The following C1QBP variants were observed in gnomAD, a reference collection of about 807,000 sequenced individuals.
C1QBP encodes complement component 1 Q subcomponent-binding protein, mitochondrial.
Under a neutral mutation model 29.4 loss-of-function variants are expected in C1QBP, and 24 were observed. That is an observed-to-expected ratio of 0.82 (90% confidence interval 0.59 to 1.15). The LOEUF (loss-of-function observed/expected upper bound fraction) is 1.15. C1QBP is among the 50% of genes most tolerant of loss of function. The pLI is 0.00. For synonymous variants in C1QBP, 182 were observed against 149.2 expected (o/e 1.22, Z -1.60); for missense variants, 337 against 355.8 (o/e 0.95, Z 0.43).
Position 5,437,437 on chromosome 17 carries a change from A to G in C1QBP, c.383+686T>C, listed in dbSNP as rs75581886. ...CTGCAACCTCCACCTCCCAGGTTCA[A>G]GCGATTCCCCTGCCTCAGCCTCCCG... On this transcript the variant is annotated intron_variant, in intron 2 of 5. Coordinates refer to ENST00000225698, the MANE Select transcript of C1QBP (RefSeq NM_001212.4). Among the ~76,000 whole-genome samples the G allele has an allele frequency of 6.4e-4, 98 of 152,302 alleles. 1 individual carries two copies. The Middle Eastern group carries it at 0.01, about 16-fold the overall frequency.
intron 1 of C1QBP, 64 bp from the exon 2 acceptor site, chr17:5,438,337 C>A (rs1279637372): frequency 1.9e-6 from 3 of 1,566,356 alleles, no homozygotes; most frequent in East Asian, 2.3e-5. Flanking sequence ...AAACTATTAC[C>A]CAGGTTATTG....
Position 5,433,380 on chromosome 17 carries a change from G to C in C1QBP, c.612C>G (p.Phe204Leu), listed in dbSNP as rs767427194. 1.9e-5 allele frequency: 30 copies of C among 1,613,960 alleles called. No individual in the cohort carries two copies. The highest frequency in any genetic ancestry group is 2.5e-5 in the Non-Finnish European group (30 of 1,180,004). ...GQEDEAESDI[F>L]SIREVSFQST... is the part of the protein sequence containing the mutation. ...ACTGAAAGCTAACTTCCCTGATAGA[G>C]AAGATGTCACTCTCAGCCTCGTCTT... Residue 204 changes from phenylalanine to leucine, a missense_variant, in exon 5 of 6, where the codon TTC (phenylalanine) becomes TTG (leucine). Coordinates refer to ENST00000225698, the MANE Select transcript of C1QBP (RefSeq NM_001212.4).
At chr17:5,438,098 C>G in intron 2 of C1QBP, 25 bp downstream of exon 2, 1 of 1,607,360 alleles carries the variant, frequency 6.2e-7, no homozygotes, top group Non-Finnish European at 8.5e-7. Context: ...AGTTGCTGCC[C>G]TGGGATCCCC....
rs773338838 is a variant in C1QBP, at chr17:5,435,004, C to A, written c.384-38G>T. The A allele has an allele frequency of 9.8e-6, 11 of 1,125,812 alleles. No homozygotes were observed. The East Asian group carries it at 2.1e-4, about 22-fold the overall frequency. The allele number at this position is 1,125,812 out of a possible 1,614,324, so 69.7% of individuals were successfully genotyped here. On this transcript the variant is annotated intron_variant, in intron 2 of 5. Coordinates refer to ENST00000225698, the MANE Select transcript of C1QBP (RefSeq NM_001212.4). Reference sequence around the variant, plus strand: ...GGGAAAACAGACAAGGCAAAACAGACAAGGCATGGTTTTAACCGAGCAGGT... The same window carrying A: ...GGGAAAACAGACAAGGCAAAACAGAAAAGGCATGGTTTTAACCGAGCAGGT...
Position 5,439,132 on chromosome 17 carries a change from G to A in C1QBP, c.-59C>T, listed in dbSNP as rs988676694. On this transcript the variant is annotated 5_prime_UTR_variant, in exon 1 of 6. Transcript: ENST00000225698. The stretch of plus-strand genomic sequence containing the variant: ...AGGACAACCCAGGCCTAGGCGCCCC[G>A]CGACCTGAGGCGCCGCCGGAAGCCC... The A allele has an allele frequency of 5.2e-6, 8 of 1,528,156 alleles. 1 individual carries two copies. The highest frequency in any genetic ancestry group is 4.2e-5 in the African/African-American group (3 of 70,886). The allele number at this position is 1,528,156 out of a possible 1,614,324, so 94.7% of individuals were successfully genotyped here.
Position 5,434,900 on chromosome 17 carries a change from C to G in C1QBP, c.450G>C (p.Ser150=), listed in dbSNP as rs535657744. 2 of 1,613,920 alleles carry G rather than the reference C, an allele frequency of 1.2e-6. No individual in the cohort carries two copies. The highest frequency in any genetic ancestry group is 1.7e-6 in the Non-Finnish European group (2 of 1,179,840). ...PPTFDGEEEP[S]QGQKVEEQEP... ...CCTGTTCTTCAACCTTCTGCCCTTG[C>G]GAGGGTTCCTCCTCACCATCAAATG... Residue 150 remains serine (S), a synonymous_variant, in exon 3 of 6, where the codon TCG becomes TCC. Transcript: ENST00000225698.
chr17:5,438,740 G>A (rs1000518841), intron 1 of C1QBP, 102 bp downstream of exon 1: 1 of 1,541,252 alleles, frequency 6.5e-7, no homozygotes, highest in African/African-American at 1.4e-5. Flanking sequence ...CCAATCAATG[G>A]AAAAATGTCC....
Position 5,438,903 on chromosome 17 carries a change from G to A in C1QBP, c.171C>T (p.Gly57=). The A allele has an allele frequency of 6.5e-7, 1 of 1,539,792 alleles. No individual in the cohort carries two copies. Among genetic ancestry groups the A allele is most frequent in the Non-Finnish European group, 8.7e-7 (1 of 1,142,878 alleles). ...CGCAGGGTCCGCGAGGCCGCAGGAG[G>A]CCCGGCCGCCGCTCGGAACCTGCGC... ...SVRAGSERRP[G]LLRPRGPCAC... is the part of the protein sequence containing the mutation. The change falls in exon 1 of 6, where the codon GGC becomes GGT. Residue 57 remains glycine (G), a synonymous_variant. Coordinates refer to ENST00000225698, the MANE Select transcript of C1QBP (RefSeq NM_001212.4).
rs1176409180 is a variant in C1QBP at position 5,434,867 on chromosome 17, G to A, written c.477+6C>T. On this transcript the variant is annotated splice_donor_region_variant and intron_variant, in intron 3 of 5. Coordinates refer to ENST00000225698, the MANE Select transcript of C1QBP (RefSeq NM_001212.4). ...GAGGTAAAAGCTGATTATAGTATTA[G>A]CTTACCTCCTGTTCTTCAACCTTCT... The A allele has an allele frequency of 6.2e-7, 1 of 1,607,772 alleles. No homozygotes were observed.
chr17:5,438,749 C>T, intron 1 of C1QBP, 93 bp downstream of exon 1: 1 of 1,542,056 alleles, frequency 6.5e-7, no homozygotes, highest in Non-Finnish European at 8.7e-7. Context: ...GGAAAAATGT[C>T]CCAGACCTCA....
intron 2 of C1QBP, among the ~76,000 whole-genome samples, chr17:5,435,936 C>G (rs2151677175): frequency 6.8e-6 from 1 of 147,844 alleles, no homozygotes; most frequent in Non-Finnish European, 1.5e-5. Context: ...ATCCCAGCTA[C>G]TCAGGAGGCT....
At chr17:5,437,729 A>G (rs1916312555) in intron 2 of C1QBP, among the ~76,000 whole-genome samples, 1 of 152,240 alleles carries the variant, frequency 6.6e-6, no homozygotes, top group African/African-American at 2.4e-5. Flanking sequence ...GAGCTGACTT[A>G]GGTCACAAAC....
Position 5,433,172 on chromosome 17 carries a change from GAAC to G in C1QBP, c.700-11_700-9del, listed in dbSNP as rs1179058327. 1.2e-6 allele frequency: 2 copies of G among 1,610,332 alleles called. No homozygotes were observed. The highest frequency in any genetic ancestry group is 1.3e-5 in the African/African-American group (1 of 74,566). ...TAGGTGGTCATATAAGGCCTGCAAA[GAAC>G]AATATTTACTAGTTAAAAAAAAATC... On this transcript the variant is annotated splice_polypyrimidine_tract_variant and intron_variant, in intron 5 of 5. Transcript: ENST00000225698.
intron 1 of C1QBP, 34 bp from the exon 2 acceptor site, chr17:5,438,307 G>A: frequency 1.2e-6 from 2 of 1,606,908 alleles, no homozygotes; most frequent in Non-Finnish European, 1.7e-6. Context: ...AAAAAGGAAA[G>A]CCAGTTAGTC....
chr17:5,438,326 A>G, intron 1 of C1QBP, 53 bp from the exon 2 acceptor site: 2 of 1,590,666 alleles, frequency 1.3e-6, no homozygotes, highest in South Asian at 1.1e-5. Context: ...TCTAAAACAT[A>G]AAACTATTAC....
chr17:5,437,291 A>T (rs536000350), intron 2 of C1QBP, among the ~76,000 whole-genome samples: 5 of 152,330 alleles, frequency 3.3e-5, no homozygotes, highest in Admixed American at 2.0e-4. Context: ...GCTGTGATTT[A>T]AAAAAATTAC....
At chr17:5,436,963 C>T (rs1229531193) in intron 2 of C1QBP, among the ~76,000 whole-genome samples, 1 of 152,134 alleles carries the variant, frequency 6.6e-6, no homozygotes, top group East Asian at 1.9e-4. Flanking sequence ...GCCAAGATCG[C>T]ACCACTGCAC....
chr17:5,436,274 A>C (rs1376846506), intron 2 of C1QBP, among the ~76,000 whole-genome samples: 4 of 151,294 alleles, frequency 2.6e-5, no homozygotes, highest in Non-Finnish European at 5.9e-5. Context: ...AACCTTGCGC[A>C]AATGGTGTTT....
At chr17:5,433,647 G>A (rs764993340) in intron 4 of C1QBP, 22 bp downstream of exon 4, 20 of 1,607,848 alleles carry the variant, frequency 1.2e-5, no homozygotes, top group East Asian at 4.5e-5. Flanking sequence ...GTGCCAAGAG[G>A]CTAGCACTCC....
Sources: gnomAD v4.1 joint callset for allele counts (sites outside exome capture counted in the v4.1 genomes callset) on GRCh38, gnomAD v4.1.1 for gene constraint, MANE v1.5 for transcripts, NCBI Gene and HGNC (gene_info 2026-07-23, HGNC 2026-07-21) for gene names.